Variants in NLGN1 observed in about 807,000 individuals in gnomAD.
The protein encoded by NLGN1 is neuroligin-1.
NLGN1 carries 12 observed loss-of-function variants against 65.5 expected under a neutral mutation model. The observed-to-expected ratio is 0.18, with a 90% CI of 0.12 to 0.30. NLGN1 has a LOEUF of 0.30. Ranked by LOEUF, NLGN1 falls within the 10% of genes least tolerant of loss-of-function variation. NLGN1 has a pLI of 1.00. For missense variants in NLGN1, 750 were observed against 1,007.1 expected, an observed-to-expected ratio of 0.74 and a Z score of 3.46; for synonymous variants, 350 against 359.5, an observed-to-expected ratio of 0.97 and a Z score of 0.30.
upstream of NLGN1, chr3:173,397,743 C>G (rs1224031239): frequency 6.6e-6 from 1 of 152,192 alleles, no homozygotes; most frequent in Non-Finnish European, 1.5e-5. Flanking sequence ...GGCGGGGGAG[C>G]GCCGCGGCTG....
intron 3 of NLGN1, among the ~76,000 whole-genome samples, chr3:173,607,202 C>A (rs887018940): frequency 3.3e-5 from 5 of 151,798 alleles, no homozygotes; most frequent in Admixed American, 6.6e-5. Context: ...ATTGTTGGTT[C>A]CATTTGCTTT....
At chr3:173,556,541 A>G (rs1375899380) in intron 2 of NLGN1, among the ~76,000 whole-genome samples, 1 of 152,166 alleles carries the variant, frequency 6.6e-6, no homozygotes, top group Non-Finnish European at 1.5e-5. Flanking sequence ...TTGGCTGGGT[A>G]CAGTGACTTA....
chr3:173,752,859 G>C (rs1057069728), intron 3 of NLGN1, among the ~76,000 whole-genome samples: 1 of 151,972 alleles, frequency 6.6e-6, no homozygotes, highest in Non-Finnish European at 1.5e-5. Context: ...AACCTCAGCT[G>C]TTTACTTTGC....
At chr3:173,962,459 T>C (rs1037767570) in intron 4 of NLGN1, among the ~76,000 whole-genome samples, 2 of 152,144 alleles carry the variant, frequency 1.3e-5, no homozygotes, top group African/African-American at 2.4e-5. Context: ...GTAGATACTC[T>C]ACCATGGACT....
At chr3:173,407,755 C>T (rs929401850) in intron 1 of NLGN1, among the ~76,000 whole-genome samples, 7 of 152,144 alleles carry the variant, frequency 4.6e-5, no homozygotes, top group African/African-American at 1.4e-4. Flanking sequence ...ACACATACAA[C>T]ACATTGAGAA....
intron 4 of NLGN1, among the ~76,000 whole-genome samples, chr3:174,005,450 C>G (rs1300958296): frequency 6.6e-6 from 1 of 152,000 alleles, no homozygotes; most frequent in Non-Finnish European, 1.5e-5. Flanking sequence ...ATGAATGTAC[C>G]AATGAAATGT....
chr3:174,169,003 A>T (rs1258169945), intron 4 of NLGN1, among the ~76,000 whole-genome samples: 1 of 152,034 alleles, frequency 6.6e-6, no homozygotes. Flanking sequence ...AAAAATCTCC[A>T]CACAGGAGGG....
chr3:174,075,539 C>T (rs1466979578), intron 4 of NLGN1, among the ~76,000 whole-genome samples: 1 of 152,088 alleles, frequency 6.6e-6, no homozygotes, highest in Non-Finnish European at 1.5e-5. Flanking sequence ...CCTGACAGTA[C>T]GACTTGCCCA....
intron 2 of NLGN1, among the ~76,000 whole-genome samples, chr3:173,529,290 C>T (rs1054482498): frequency 1.3e-5 from 2 of 152,180 alleles, no homozygotes; most frequent in Non-Finnish European, 1.5e-5. Context: ...GAGCCAGCAG[C>T]GCAAAAGCAG....
intron 4 of NLGN1, among the ~76,000 whole-genome samples, chr3:174,005,723 A>T (rs574698628): frequency 6.6e-6 from 1 of 151,864 alleles, no homozygotes; most frequent in Non-Finnish European, 1.5e-5. Context: ...CACAAAACTA[A>T]ATTTATATAG....
chr3:173,607,190 G>T (rs571889400), intron 3 of NLGN1, among the ~76,000 whole-genome samples: 244 of 151,970 alleles, frequency 1.6e-3, no homozygotes, highest in Middle Eastern at 6.8e-3. Context: ...ATTGTTCTTT[G>T]TATTGTTGGT....
At chr3:173,416,490 G>T (rs1433582833) in intron 1 of NLGN1, among the ~76,000 whole-genome samples, 2 of 152,124 alleles carry the variant, frequency 1.3e-5, no homozygotes, top group African/African-American at 4.8e-5. Context: ...TGTGTGAGTT[G>T]TTTTCCCTAA....
intron 4 of NLGN1, among the ~76,000 whole-genome samples, chr3:174,126,775 T>A (rs1365735495): frequency 6.6e-6 from 1 of 152,112 alleles, no homozygotes; most frequent in African/African-American, 2.4e-5. Context: ...TAAGCTGCCT[T>A]TTCCATGTAC....
chr3:174,032,989 GATATAGATCTATCTATAT>G (rs1358084027), intron 4 of NLGN1, among the ~76,000 whole-genome samples: 4 of 151,624 alleles, frequency 2.6e-5, no homozygotes, highest in Non-Finnish European at 5.9e-5. Flanking sequence ...CATATATATA[GATATAGATCTATCTATAT>G]ATATAGATCT....
chr3:174,122,423 C>T (rs1228698058), intron 4 of NLGN1, among the ~76,000 whole-genome samples: 2 of 152,152 alleles, frequency 1.3e-5, no homozygotes, highest in African/African-American at 4.8e-5. Context: ...TTGCTGCACA[C>T]TTTCTTGCTT....
intron 4 of NLGN1, among the ~76,000 whole-genome samples, chr3:174,004,280 G>T (rs1329147791): frequency 6.6e-6 from 1 of 152,060 alleles, no homozygotes; most frequent in Admixed American, 6.5e-5. Flanking sequence ...ATGAATTCTT[G>T]CTAATAGGAT....
chr3:174,014,245 C>T (rs1726108874), intron 4 of NLGN1, among the ~76,000 whole-genome samples: 2 of 152,164 alleles, frequency 1.3e-5, no homozygotes, highest in Admixed American at 1.3e-4. Flanking sequence ...ATGTAAACTA[C>T]ATTGTTGTGT....
intron 4 of NLGN1, among the ~76,000 whole-genome samples, chr3:174,062,881 T>G (rs907927098): frequency 1.3e-5 from 2 of 152,092 alleles, no homozygotes; most frequent in East Asian, 3.9e-4. Flanking sequence ...AAATATTACA[T>G]TTATTATTTT....
At chr3:173,752,054 T>G (rs889907759) in intron 3 of NLGN1, among the ~76,000 whole-genome samples, 1 of 152,106 alleles carries the variant, frequency 6.6e-6, no homozygotes, top group South Asian at 2.1e-4. Context: ...AATTGTGAAC[T>G]CTTTACCAGG....
Sources: allele counts gnomAD v4.1 joint callset (sites outside exome capture counted in the v4.1 genomes callset), GRCh38; gene constraint gnomAD v4.1.1; transcripts MANE v1.5; gene names NCBI Gene and HGNC (gene_info 2026-07-23, HGNC 2026-07-21).